The following DAB1 variants were observed in gnomAD, a reference collection of about 807,000 sequenced individuals.
DAB1 encodes disabled homolog 1.
In DAB1, 15 loss-of-function variants were observed where a neutral mutation model predicts 64.6. That is an observed-to-expected ratio of 0.23 (90% confidence interval 0.16 to 0.36). The LOEUF (loss-of-function observed/expected upper bound fraction) is 0.36. Among genes scored for constraint, DAB1 ranks in the 10% least tolerant of loss-of-function variants. The pLI, the probability that DAB1 is intolerant of heterozygous loss-of-function variation, is 1.00. For synonymous variants in DAB1, 235 were observed against 251.9 expected (o/e 0.93, Z 0.64); for missense variants, 596 against 706.7 (o/e 0.84, Z 1.78).
chr1:58,222,247 G>A (rs1659210480), intron 4 of DAB1, among the ~76,000 whole-genome samples: 1 of 151,960 alleles, frequency 6.6e-6, no homozygotes, highest in Non-Finnish European at 1.5e-5. Flanking sequence ...GAGTGTATGT[G>A]GTGTGGGCTG....
chr1:58,041,562 G>A (rs1442653352), intron 5 of DAB1, among the ~76,000 whole-genome samples: 1 of 152,202 alleles, frequency 6.6e-6, no homozygotes, highest in Non-Finnish European at 1.5e-5. Flanking sequence ...ACATTGTGGG[G>A]TAGAGTAACC....
At chr1:57,287,436 A>G (rs991995941) in intron 2 of DAB1, among the ~76,000 whole-genome samples, 1 of 152,196 alleles carries the variant, frequency 6.6e-6, no homozygotes, top group Admixed American at 6.5e-5. Context: ...GCAATCAGGA[A>G]CGAGATAAGG....
At chr1:57,732,114 A>G (rs973834006) in intron 6 of DAB1, among the ~76,000 whole-genome samples, 9 of 152,160 alleles carry the variant, frequency 5.9e-5, no homozygotes, top group Admixed American at 2.6e-4. Context: ...TAACAAGCCA[A>G]TCTTGGGAAG....
At chr1:57,873,266 T>C (rs1358919261) in intron 1 of DAB1, among the ~76,000 whole-genome samples, 2 of 152,110 alleles carry the variant, frequency 1.3e-5, no homozygotes, top group Non-Finnish European at 2.9e-5. Flanking sequence ...TTTATATGCA[T>C]AAAGCTAACT....
At chr1:57,094,361 A>ATTC (rs1004572388) in intron 4 of DAB1, among the ~76,000 whole-genome samples, 1 of 152,124 alleles carries the variant, frequency 6.6e-6, no homozygotes, top group Admixed American at 6.5e-5. Flanking sequence ...TCCGGATCAC[A>ATTC]TTCTCCCTTC....
intron 7 of DAB1, among the ~76,000 whole-genome samples, chr1:57,476,226 C>CAAAAAAA (rs57483030): frequency 1.7e-5 from 1 of 57,158 alleles, no homozygotes; most frequent in Non-Finnish European, 3.6e-5. Flanking sequence ...AACTCCACTT[C>CAAAAAAA]AAAAAAAAAA....
chr1:57,409,536 C>T (rs1032197793), intron 1 of DAB1, among the ~76,000 whole-genome samples: 9 of 152,124 alleles, frequency 5.9e-5, no homozygotes, highest in Non-Finnish European at 1.2e-4. Flanking sequence ...AGGGGCTGGG[C>T]GTGGTGGCTC....
At chr1:58,229,231 A>C (rs930774528) in intron 4 of DAB1, among the ~76,000 whole-genome samples, 1 of 152,154 alleles carries the variant, frequency 6.6e-6, no homozygotes. Context: ...GGACTCCCAA[A>C]ATGCTGAGAT....
chr1:57,614,872 T>C (rs1326378240), intron 7 of DAB1, among the ~76,000 whole-genome samples: 4 of 138,846 alleles, frequency 2.9e-5, no homozygotes, highest in South Asian at 2.4e-4. Context: ...TTCTTTCTTT[T>C]TTTTTTTTTT....
chr1:57,185,456 C>A (rs17115265), intron 2 of DAB1, among the ~76,000 whole-genome samples: 4,382 of 152,080 alleles, frequency 0.029, 202 homozygotes, highest in East Asian at 0.19. Context: ...GTCTGAGAGA[C>A]AATGCAAGAT....
chr1:57,034,623 T>C (rs2100442753), intron 9 of DAB1, among the ~76,000 whole-genome samples: 1 of 152,342 alleles, frequency 6.6e-6, no homozygotes, highest in East Asian at 1.9e-4. Context: ...TTACACATTA[T>C]AGGTATGTAC....
chr1:58,303,718 G>A (rs1202876465), intron 4 of DAB1, among the ~76,000 whole-genome samples: 3 of 152,182 alleles, frequency 2.0e-5, no homozygotes, highest in Non-Finnish European at 4.4e-5. Context: ...GAGGAAACAA[G>A]GCAAGGTCTG....
At chr1:57,288,085 T>C (rs1995528) in intron 2 of DAB1, among the ~76,000 whole-genome samples, 4,004 of 152,256 alleles carry the variant, frequency 0.026, 171 homozygotes, top group African/African-American at 0.091. Flanking sequence ...CGTGAGCCAC[T>C]ACGCCCAGCC....
At chr1:58,432,033 G>A (rs1294635191) in intron 3 of DAB1, among the ~76,000 whole-genome samples, 1 of 152,220 alleles carries the variant, frequency 6.6e-6, no homozygotes, top group Non-Finnish European at 1.5e-5. Flanking sequence ...AACAAATGTG[G>A]AAGGGCCTGG....
In DAB1 at chr1:57,431,143, C is replaced by CAA. The variant is rs77701798; in HGVS notation, n.626-139979_626-139978dup. Among the ~76,000 whole-genome samples, 10 of 96,408 alleles carry CAA rather than the reference C, an allele frequency of 1.0e-4. No individual in the cohort carries two copies. In the South Asian group the frequency reaches 1.7e-3, roughly 16 times the overall value. 63.2% of individuals were successfully genotyped at this position (96,408 alleles called of 152,430 possible). A position where few individuals can be genotyped will look rare whatever the true frequency, so the allele number is the denominator to read the frequency against. On this transcript the variant is annotated intron_variant and non_coding_transcript_variant, in intron 7 of 20. Transcript: ENST00000485760. ...AAGAAAAAGTATTTCAGGCCAAAAA[C>CAA]AAAAAAAAAAAAAAGAAAAACAAAA...
At chr1:57,868,550 G>T (rs532080636) in intron 1 of DAB1, among the ~76,000 whole-genome samples, 2 of 152,216 alleles carry the variant, frequency 1.3e-5, no homozygotes, top group African/African-American at 2.4e-5. Context: ...GTGGAGAGCT[G>T]TCTTGTGTAT....
At chr1:57,559,172 G>T (rs749334313) in intron 7 of DAB1, among the ~76,000 whole-genome samples, 3 of 152,186 alleles carry the variant, frequency 2.0e-5, no homozygotes, top group African/African-American at 7.2e-5. Context: ...TAGAGCTCTG[G>T]CATTGGCTAA....
At chr1:57,846,153 G>GT (rs1421282771) in intron 1 of DAB1, among the ~76,000 whole-genome samples, 6 of 152,126 alleles carry the variant, frequency 3.9e-5, no homozygotes, top group South Asian at 2.1e-4. Context: ...TCAGAACTTG[G>GT]TTTTTTTAAT....
Position 57,895,993 on chromosome 1 carries a change from G to A in DAB1, n.388-11831C>T, listed in dbSNP as rs181572351. ...ACTGACCCCAAAACCTGGTGAATGT[G>A]TGAATCAACCTAGCCCCAGGCTAGC... On this transcript the variant is annotated intron_variant and non_coding_transcript_variant, in intron 5 of 20. Transcript: ENST00000485760. Among the ~76,000 whole-genome samples, 15 of 152,284 alleles carry A rather than the reference G, an allele frequency of 9.9e-5. No individual in the cohort carries two copies. In the East Asian group the frequency reaches 2.9e-3, roughly 29 times the overall value.
Sources: gnomAD v4.1 joint callset for allele counts (sites outside exome capture counted in the v4.1 genomes callset) on GRCh38, gnomAD v4.1.1 for gene constraint, MANE v1.5 for transcripts, NCBI Gene and HGNC (gene_info 2026-07-23, HGNC 2026-07-21) for gene names.